AXDND1: variants seen among roughly 807,000 people sequenced by gnomAD.
AXDND1 encodes the protein axonemal dynein light chain domain containing 1.
AXDND1 carries 110 observed loss-of-function variants against 137.5 expected under a neutral mutation model. That is an observed-to-expected ratio of 0.80 (90% confidence interval 0.69 to 0.94). The LOEUF (loss-of-function observed/expected upper bound fraction) is 0.94. Ranked by LOEUF, AXDND1 falls within the 40% of genes least tolerant of loss-of-function variation. AXDND1 has a pLI of 0.00. For missense variants in AXDND1, 1,191 were observed against 1,169.8 expected (o/e 1.02, Z -0.26); for synonymous variants, 414 against 399.7 (o/e 1.04, Z -0.43).
chr1:179,452,965 C>G (rs1407985818), intron 16 of AXDND1: 1 of 152,238 alleles, frequency 6.6e-6, no homozygotes, highest in Non-Finnish European at 1.5e-5. Context: ...CCCTGTGTCC[C>G]AGCTGCTCTA....
intron 9 of AXDND1, among the ~76,000 whole-genome samples, chr1:179,389,984 G>A (rs1192476814): frequency 6.6e-6 from 1 of 151,658 alleles, no homozygotes; most frequent in Non-Finnish European, 1.5e-5. Flanking sequence ...TACAAATCTA[G>A]GACCTCAGGC....
At chr1:179,379,622 C>T (rs1416112026) in intron 6 of AXDND1, 140 bp downstream of exon 6, 13 of 1,097,028 alleles carry the variant, frequency 1.2e-5, no homozygotes, top group African/African-American at 1.1e-4. Flanking sequence ...GGTGAAAGTC[C>T]GTCTCTACAG....
intron 11 of AXDND1, among the ~76,000 whole-genome samples, chr1:179,400,519 A>G (rs1183913233): frequency 1.3e-5 from 2 of 151,918 alleles, no homozygotes. Flanking sequence ...AATCACCACT[A>G]AAGAACTTAC....
At chr1:179,526,576 C>T (rs1234673821) in intron 22 of AXDND1, among the ~76,000 whole-genome samples, 1 of 152,196 alleles carries the variant, frequency 6.6e-6, no homozygotes, top group Non-Finnish European at 1.5e-5. Context: ...TCTTGATTTA[C>T]TTCTTTGATA....
intron 25 of AXDND1, chr1:179,550,927 T>G: frequency 1.8e-6 from 1 of 544,972 alleles, no homozygotes; most frequent in Non-Finnish European, 3.3e-6. Flanking sequence ...CAAAGTAGAA[T>G]GTTGACCAAA....
intron 5 of AXDND1, 44 bp from the exon 6 acceptor site, chr1:179,379,353 A>C (rs368898032): frequency 1.3e-6 from 2 of 1,580,582 alleles, no homozygotes; most frequent in South Asian, 2.2e-5. Flanking sequence ...TTTTTTCTCT[A>C]TTAATATATT....
intron 15 of AXDND1, among the ~76,000 whole-genome samples, chr1:179,434,655 C>T (rs1017800974): frequency 9.2e-5 from 14 of 152,096 alleles, no homozygotes; most frequent in African/African-American, 1.4e-4. Context: ...TTCAACATCC[C>T]TTTATGTTAA....
At position 179,445,050 on chromosome 1, in the gene AXDND1, A is replaced by G. The variant is rs1259097120; in HGVS notation, c.1644A>G (p.Leu548=). Residue 548 remains leucine (L), a synonymous_variant, in exon 16 of 26, where the codon TTA becomes TTG. Transcript: ENST00000367618. ...KYDTLKIIKH[L]QENWADIGLG... ...ATACTCTCAAGATTATTAAACATTT[A>G]CAGGAAAACTGGGCAGATATTGGGC... 8 of 1,613,526 alleles carry G rather than the reference A, an allele frequency of 5.0e-6. No individual in the cohort carries two copies. Among genetic ancestry groups the G allele is most frequent in the Non-Finnish European group, 5.9e-6 (7 of 1,179,518 alleles).
chr1:179,403,089 A>G (rs1203000449), intron 11 of AXDND1, among the ~76,000 whole-genome samples: 3 of 152,202 alleles, frequency 2.0e-5, no homozygotes, highest in Non-Finnish European at 2.9e-5. Context: ...CTAATATTCT[A>G]TGGTTGGCTG....
intron 18 of AXDND1, among the ~76,000 whole-genome samples, chr1:179,484,873 C>T (rs1665849100): frequency 6.6e-6 from 1 of 152,198 alleles, no homozygotes; most frequent in South Asian, 2.1e-4. Flanking sequence ...CCTGCACTGC[C>T]ATTGCCATTG....
At chr1:179,484,530 G>A (rs538245830) in intron 18 of AXDND1, among the ~76,000 whole-genome samples, 126 of 152,220 alleles carry the variant, frequency 8.3e-4, no homozygotes, top group African/African-American at 2.9e-3. Flanking sequence ...CCTCCCAGGG[G>A]CCTGCATCAT....
At chr1:179,429,109 G>A (rs2125304452) in intron 12 of AXDND1, among the ~76,000 whole-genome samples, 1 of 152,224 alleles carries the variant, frequency 6.6e-6, no homozygotes, top group East Asian at 1.9e-4. Context: ...CCCGGGAGTT[G>A]GAGCTTGCAG....
intron 17 of AXDND1, among the ~76,000 whole-genome samples, chr1:179,482,690 A>G (rs1250595804): frequency 6.6e-6 from 1 of 151,866 alleles, no homozygotes; most frequent in African/African-American, 2.4e-5. Flanking sequence ...AGAGGCTTTA[A>G]GTGGTGTATT....
At chr1:179,469,057 G>A (rs986074764) in intron 17 of AXDND1, among the ~76,000 whole-genome samples, 9 of 151,998 alleles carry the variant, frequency 5.9e-5, no homozygotes, top group Admixed American at 5.2e-4. Context: ...AGCCTCCTGA[G>A]TAGCTGGGAC....
At chr1:179,401,827 TC>T (rs1171518950) in intron 11 of AXDND1, among the ~76,000 whole-genome samples, 1 of 152,088 alleles carries the variant, frequency 6.6e-6, no homozygotes, top group Non-Finnish European at 1.5e-5. Flanking sequence ...TTGTGAGGCC[TC>T]CCCAGCCACG....
chr1:179,406,580 G>C (rs1653006494), intron 11 of AXDND1, among the ~76,000 whole-genome samples: 1 of 152,038 alleles, frequency 6.6e-6, no homozygotes, highest in South Asian at 2.1e-4. Context: ...TCCTTTTCCT[G>C]AATTGATCCC....
chr1:179,476,663 T>G (rs185418962), intron 17 of AXDND1, among the ~76,000 whole-genome samples: 97 of 152,322 alleles, frequency 6.4e-4, no homozygotes, highest in Admixed American at 7.2e-4. Context: ...TTAGGCACTA[T>G]GAATATGTTA....
chr1:179,400,925 A>G (rs1270494299), intron 11 of AXDND1, among the ~76,000 whole-genome samples: 1 of 147,580 alleles, frequency 6.8e-6, no homozygotes, highest in Non-Finnish European at 1.5e-5. Flanking sequence ...AAAAAAAAAA[A>G]AAGAAAAAAA....
rs1245573720 is a variant in AXDND1 at position 179,488,680 on chromosome 1, TTTCTTTCTTTC to T, written c.2092-2855_2092-2845del. On this transcript the variant is annotated intron_variant, in intron 18 of 25. Coordinates refer to ENST00000367618, the MANE Select transcript of AXDND1 (RefSeq NM_144696.6). ...CTTTCTTTCTTTCTTTCTTTCTTTC[TTTCTTTCTTTC>T]TTTCTTTCCTCTCTCTGTCTCTCTC... Among the ~76,000 whole-genome samples the T allele has an allele frequency of 2.2e-3, 300 of 134,756 alleles. 31 individuals are homozygous for T. Among genetic ancestry groups the T allele is most frequent in the African/African-American group, 7.9e-3 (256 of 32,258 alleles). The allele number at this position is 134,756 out of a possible 152,430, so 88.4% of individuals were successfully genotyped here.
Sources: gnomAD v4.1 joint callset for allele counts (sites outside exome capture counted in the v4.1 genomes callset) on GRCh38, gnomAD v4.1.1 for gene constraint, MANE v1.5 for transcripts, NCBI Gene and HGNC (gene_info 2026-07-23, HGNC 2026-07-21) for gene names.